KDM1B: variants seen among roughly 807,000 people sequenced by gnomAD.
The protein encoded by KDM1B is lysine-specific histone demethylase 2.
In KDM1B, 63 loss-of-function variants were observed where a neutral mutation model predicts 107.4. The ratio of observed to expected loss-of-function variants is 0.59; its 90% confidence interval spans 0.48 to 0.72. The LOEUF is 0.72. Ranked by LOEUF, KDM1B falls within the 30% of genes least tolerant of loss-of-function variation. The pLI, the probability that KDM1B is intolerant of heterozygous loss-of-function variation, is 0.00. For synonymous variants in KDM1B, 363 were observed against 363.9 expected, an observed-to-expected ratio of 1.00 and a Z score of 0.03; for missense variants, 749 against 1,020.8, an observed-to-expected ratio of 0.73 and a Z score of 3.63.
rs1489524501 is a variant in KDM1B, at chr6:18,211,741, T to C, written c.1867-747T>C. 1 of 152,214 alleles carries C rather than the reference T, an allele frequency of 6.6e-6. No homozygotes were observed. Among genetic ancestry groups the C allele is most frequent in the Non-Finnish European group, 1.5e-5 (1 of 68,056 alleles). The allele number at this position is 152,214 out of a possible 1,614,324, so 9.4% of individuals were successfully genotyped here. A position where few individuals can be genotyped will look rare whatever the true frequency, so the allele number is the denominator to read the frequency against. On this transcript the variant is annotated intron_variant, in intron 17 of 21. Transcript: ENST00000650836. This position sits in a 1 kb window ranked among gnomAD's most constrained non-coding sequence, Gnocchi z 5.2. ...TGTGTTTCACTACTTATGAAGCATA[T>C]TGATGTATCTTGTAAATTTTAGTTT... is the stretch of plus-strand genomic sequence containing the variant.
chr6:18,217,490 T>C (rs1212496040), intron 20 of KDM1B, among the ~76,000 whole-genome samples: 4 of 151,538 alleles, frequency 2.6e-5, no homozygotes, highest in African/African-American at 9.7e-5. Flanking sequence ...GCCATTCTCC[T>C]GACTCAGCCT....
In KDM1B at chr6:18,212,288, C is replaced by T. The variant is rs1788904977; in HGVS notation, c.1867-200C>T. The T allele has an allele frequency of 3.3e-5, 20 of 602,158 alleles. No individual in the cohort carries two copies. The highest frequency in any genetic ancestry group is 3.0e-4 in the East Asian group (11 of 36,398). 37.3% of individuals were successfully genotyped at this position (602,158 alleles called of 1,614,324 possible). A position where few individuals can be genotyped will look rare whatever the true frequency, so the allele number is the denominator to read the frequency against. On this transcript the variant is annotated intron_variant, in intron 17 of 21. Transcript: ENST00000650836. This position sits in a 1 kb window ranked among gnomAD's most constrained non-coding sequence, Gnocchi z 5.2. ...CTAAGATGATTATTCACCATCAGGACGTTTTTTGCCCACTCTTCCCTGTGG... is the reference window on the plus strand; with the variant it reads ...CTAAGATGATTATTCACCATCAGGATGTTTTTTGCCCACTCTTCCCTGTGG...
chr6:18,188,692 C>T (rs1256910352), intron 9 of KDM1B, among the ~76,000 whole-genome samples: 1 of 152,146 alleles, frequency 6.6e-6, no homozygotes, highest in African/African-American at 2.4e-5. Flanking sequence ...CAGCTCACTG[C>T]ATCCTCCAGC....
chr6:18,221,199 A>G (rs1789704818), intron 21 of KDM1B, among the ~76,000 whole-genome samples: 1 of 151,730 alleles, frequency 6.6e-6, no homozygotes, highest in South Asian at 2.1e-4. Context: ...AGGTGACTAC[A>G]CTTCACTTCA....
chr6:18,180,498 C>T (rs1274388418), intron 7 of KDM1B, among the ~76,000 whole-genome samples: 1 of 152,118 alleles, frequency 6.6e-6, no homozygotes, highest in Non-Finnish European at 1.5e-5. Context: ...TTTTTTCAGA[C>T]AATTTTTTAA....
intron 5 of KDM1B, among the ~76,000 whole-genome samples, chr6:18,165,851 T>C (rs1395875336): frequency 2.0e-5 from 3 of 151,854 alleles, no homozygotes; most frequent in African/African-American, 4.8e-5. Context: ...AATAAAAAAA[T>C]AAAAATATTC....
At position 18,200,362 on chromosome 6, in the gene KDM1B, C is replaced by T. The variant is rs913981969; in HGVS notation, c.1222-77C>T. 5.1e-6 allele frequency: 7 copies of T among 1,361,440 alleles called. No homozygotes were observed. The highest frequency in any genetic ancestry group is 7.0e-6 in the Non-Finnish European group (7 of 993,214). The allele number at this position is 1,361,440 out of a possible 1,614,324, so 84.3% of individuals were successfully genotyped here. On this transcript the variant is annotated intron_variant, in intron 12 of 21. Transcript: ENST00000650836. This position sits in a 1 kb window ranked among gnomAD's most constrained non-coding sequence, Gnocchi z 4.3. ...AATATAGAGGCTATTTAACAGTGTC[C>T]TTCTACATTTTTATAATACTGTGTC...
chr6:18,162,166 C>T lies in KDM1B; in HGVS notation c.216-669C>T, dbSNP rs959398892. Among the ~76,000 whole-genome samples the T allele has an allele frequency of 2.0e-5, 3 of 151,928 alleles. No individual in the cohort carries two copies. Among genetic ancestry groups the T allele is most frequent in the Non-Finnish European group, 4.4e-5 (3 of 67,984 alleles). ...TGAAACCCTGTCTCTACTAAAAATA[C>T]ACAAATTAGCTGGGCACGGTGGCAG... On this transcript the variant is annotated intron_variant, in intron 4 of 21. Coordinates refer to ENST00000650836, the MANE Select transcript of KDM1B (RefSeq NM_001364614.2). The surrounding 1 kb of genome is among the most constrained non-coding windows in gnomAD (Gnocchi z 4.1).
At chr6:18,166,666 G>A (rs1346657588) in intron 6 of KDM1B, among the ~76,000 whole-genome samples, 1 of 151,968 alleles carries the variant, frequency 6.6e-6, no homozygotes, top group Non-Finnish European at 1.5e-5. Flanking sequence ...CTATCTCATA[G>A]TAAGACCCCA....
At chr6:18,218,846 A>T (rs1164886706) in intron 21 of KDM1B, among the ~76,000 whole-genome samples, 1 of 152,066 alleles carries the variant, frequency 6.6e-6, no homozygotes, top group Non-Finnish European at 1.5e-5. Flanking sequence ...ATTACTGCAG[A>T]GTGTCCTCCT....
Position 18,222,318 on chromosome 6 carries a change from T to A in KDM1B, c.*326T>A, listed in dbSNP as rs564666115. 1.5e-5 allele frequency: 6 copies of A among 402,482 alleles called. No homozygotes were observed. Among genetic ancestry groups the A allele is most frequent in the South Asian group, 1.2e-4 (6 of 48,548 alleles). The allele number at this position is 402,482 out of a possible 1,614,324, so 24.9% of individuals were successfully genotyped here. ...CTGGAAGTTCCCTTTAGATTTCACATTTTATATGGCTGATCAATTTTCATA... is the reference window on the plus strand; with the variant it reads ...CTGGAAGTTCCCTTTAGATTTCACAATTTATATGGCTGATCAATTTTCATA... On this transcript the variant is annotated 3_prime_UTR_variant, in exon 22 of 22. Coordinates refer to ENST00000650836, the MANE Select transcript of KDM1B (RefSeq NM_001364614.2).
rs570959020 is a variant in KDM1B at position 18,192,833 on chromosome 6, G to A, written c.969+1452G>A. Among the ~76,000 whole-genome samples, 22 of 151,722 alleles carry A rather than the reference G, an allele frequency of 1.5e-4. 2 individuals are homozygous for A. In the South Asian group the frequency reaches 4.4e-3, roughly 30 times the overall value. The stretch of plus-strand genomic sequence containing the variant: ...TGACTTTGAAATTTGACTTATACAG[G>A]GGAAGAATATTATAGAAGTCCTAAG... On this transcript the variant is annotated intron_variant, in intron 10 of 21. Transcript: ENST00000650836.
At chr6:18,218,120 CT>C (rs1789389265) in intron 21 of KDM1B, among the ~76,000 whole-genome samples, 1 of 151,564 alleles carries the variant, frequency 6.6e-6, no homozygotes, top group Non-Finnish European at 1.5e-5. Flanking sequence ...TGCCATCTCT[CT>C]TTCTTTTTTG....
chr6:18,167,292 G>C (rs372711867), intron 6 of KDM1B, among the ~76,000 whole-genome samples: 1 of 151,852 alleles, frequency 6.6e-6, no homozygotes, highest in East Asian at 2.0e-4. Flanking sequence ...AGGAAGCGGA[G>C]GTTGCAATGA....
rs1174368579 is a variant in KDM1B, at chr6:18,213,581, A to T, written c.1984-75A>T. ...TGTCTTTGTTTTAGAGTAGAGCTAC[A>T]GGTTGCTGCTTAGATATTGCCTGTG... is the stretch of plus-strand genomic sequence containing the variant. On this transcript the variant is annotated intron_variant, in intron 18 of 21. Transcript: ENST00000650836. This position sits in a 1 kb window ranked among gnomAD's most constrained non-coding sequence, Gnocchi z 5.9. 1 of 1,494,920 alleles carries T rather than the reference A, an allele frequency of 6.7e-7. No homozygotes were observed. The highest frequency in any genetic ancestry group is 9.3e-7 in the Non-Finnish European group (1 of 1,074,920). 92.6% of individuals were successfully genotyped at this position (1,494,920 alleles called of 1,614,324 possible).
Position 18,223,308 on chromosome 6 carries a change from C to T in KDM1B, c.*1316C>T, listed in dbSNP as rs1375664542. On this transcript the variant is annotated 3_prime_UTR_variant, in exon 22 of 22. Transcript: ENST00000650836. ...AACACACCAAGAATGTGCAGTGAAC[C>T]TCAGGCATTTAAGACACCTCCCCCA... 6.6e-6 allele frequency: 1 copy of T among 151,958 alleles called. No homozygotes were observed. The highest frequency in any genetic ancestry group is 1.5e-5 in the Non-Finnish European group (1 of 67,982). The allele number at this position is 151,958 out of a possible 1,614,324, so 9.4% of individuals were successfully genotyped here.
chr6:18,219,606 T>C (rs1167026360), intron 21 of KDM1B, among the ~76,000 whole-genome samples: 1 of 152,230 alleles, frequency 6.6e-6, no homozygotes, highest in East Asian at 1.9e-4. Context: ...GATTTTGCTT[T>C]TATGCTCCCT....
chr6:18,202,712 G>A (rs779525405), intron 14 of KDM1B, among the ~76,000 whole-genome samples: 58 of 152,294 alleles, frequency 3.8e-4, no homozygotes, highest in Admixed American at 1.1e-3. Context: ...TCTTCAGGCT[G>A]ATATACAGTT....
chr6:18,191,026 A>G lies in KDM1B; in HGVS notation c.785-171A>G, dbSNP rs1787250910. On this transcript the variant is annotated intron_variant, in intron 9 of 21. Transcript: ENST00000650836. The surrounding 1 kb of genome is among the most constrained non-coding windows in gnomAD (Gnocchi z 5.1). ...ATAGCATGAAGAAAGAATGAGAAAA[A>G]TACTTAATTTATGTACGTTTTGTCT... Among the ~76,000 whole-genome samples, 1 of 152,190 alleles carries G rather than the reference A, an allele frequency of 6.6e-6. No individual in the cohort carries two copies. Among genetic ancestry groups the G allele is most frequent in the African/African-American group, 2.4e-5 (1 of 41,456 alleles).
Sources: gnomAD v4.1 joint callset for allele counts (sites outside exome capture counted in the v4.1 genomes callset) on GRCh38, gnomAD v4.1.1 for gene constraint, Gnocchi (gnomAD v3.1) non-coding constraint, MANE v1.5 for transcripts, NCBI Gene and HGNC (gene_info 2026-07-23, HGNC 2026-07-21) for gene names.